Variants in TRIM48 observed in about 807,000 individuals in gnomAD.
TRIM48 encodes the protein E3 ubiquitin-protein ligase TRIM48.
In TRIM48, 31 loss-of-function variants were observed where a neutral mutation model predicts 29.5. That is an observed-to-expected ratio of 1.05 (90% CI 0.79 to 1.42). The LOEUF is 1.42. Among genes scored for constraint, TRIM48 ranks in the 40% most tolerant of loss-of-function variants. The pLI is 0.00. For missense variants in TRIM48, 344 were observed against 265.0 expected (o/e 1.30, Z -2.07); for synonymous variants, 128 against 90.6 (o/e 1.41, Z -2.34).
In TRIM48 at chr11:55,270,719, G is replaced by A. The variant is rs1156458840; in HGVS notation, c.*284G>A. 9 of 1,566,790 alleles carry A rather than the reference G, an allele frequency of 5.7e-6. 1 individual carries two copies. The highest frequency in any genetic ancestry group is 7.8e-6 in the Non-Finnish European group (9 of 1,151,208). On this transcript the variant is annotated 3_prime_UTR_variant, in exon 6 of 6. Coordinates refer to ENST00000417545, the MANE Select transcript of TRIM48 (RefSeq NM_024114.5). ...GGAGAGGAGGGACTCTTTAGTCTTG[G>A]GTGTGTTAAGAACGACATTCAGTGC...
Position 55,264,808 on chromosome 11 carries a change from A to G in TRIM48, c.45-92A>G. 5 of 1,512,870 alleles carry G rather than the reference A, an allele frequency of 3.3e-6. 1 individual carries two copies. The highest frequency in any genetic ancestry group is 4.5e-6 in the Non-Finnish European group (5 of 1,117,312). The allele number at this position is 1,512,870 out of a possible 1,614,324, so 93.7% of individuals were successfully genotyped here. ...TTGTGCTTTAATGAACACTGTCAAGAGAAGAAACTATAGCTATCACTTATC... is the reference window on the plus strand; with the variant it reads ...TTGTGCTTTAATGAACACTGTCAAGGGAAGAAACTATAGCTATCACTTATC... On this transcript the variant is annotated intron_variant, in intron 1 of 5. Transcript: ENST00000417545.
chr11:55,265,689 C>T lies in TRIM48; in HGVS notation c.549C>T (p.His183=). Residue 183 remains histidine, a synonymous_variant, in exon 3 of 6, where the codon CAC becomes CAT. Transcript: ENST00000417545. ...NLNVETTRIS[H]WKAFGDILYR... is the part of the protein sequence containing the mutation. ...ATGTGGAAACCACCAGAATCAGCCA[C>T]TGGAAGGTTAGTCCTGTAATACCCT... The T allele has an allele frequency of 6.3e-7, 1 of 1,579,618 alleles. No homozygotes were observed. The highest frequency in any genetic ancestry group is 1.4e-5 in the African/African-American group (1 of 72,982).
intron 1 of TRIM48, among the ~76,000 whole-genome samples, chr11:55,264,034 A>G (rs1039791591): frequency 7.2e-5 from 11 of 152,122 alleles, no homozygotes; most frequent in Non-Finnish European, 1.5e-5. Context: ...TCACAGACCC[A>G]CCCAGAAACA....
intron 3 of TRIM48, among the ~76,000 whole-genome samples, chr11:55,268,111 G>A (rs1189742746): frequency 6.8e-6 from 1 of 147,502 alleles, no homozygotes; most frequent in Non-Finnish European, 1.5e-5. Flanking sequence ...GACTCTCTGG[G>A]CTTCTTCTCC....
chr11:55,270,632 A>G lies in TRIM48; in HGVS notation c.*197A>G. 2 of 1,582,108 alleles carry G rather than the reference A, an allele frequency of 1.3e-6. No individual in the cohort carries two copies. The highest frequency in any genetic ancestry group is 1.7e-6 in the Non-Finnish European group (2 of 1,164,676). On this transcript the variant is annotated 3_prime_UTR_variant, in exon 6 of 6. Coordinates refer to ENST00000417545, the MANE Select transcript of TRIM48 (RefSeq NM_024114.5). The stretch of plus-strand genomic sequence containing the variant: ...GAGGTCCATGTGGGGGACTCTTGGA[A>G]TTGGGCTTTTGGTGTCTGTAATAAG...
rs1857470221 is a variant in TRIM48, at chr11:55,270,661, T to G, written c.*226T>G. On this transcript the variant is annotated 3_prime_UTR_variant, in exon 6 of 6. Coordinates refer to ENST00000417545, the MANE Select transcript of TRIM48 (RefSeq NM_024114.5). ...GGCTTTTGGTGTCTGTAATAAGTAT[T>G]GGAAAGGGAAGAATCAGAATGGCAA... The G allele has an allele frequency of 6.3e-7, 1 of 1,578,356 alleles. No homozygotes were observed. The highest frequency in any genetic ancestry group is 1.4e-5 in the African/African-American group (1 of 73,376).
rs558639938 is a variant in TRIM48, at chr11:55,265,733, T to G, written c.555+38T>G. The G allele has an allele frequency of 7.4e-4, 1,142 of 1,553,650 alleles. 107 individuals carry two copies. The highest frequency in any genetic ancestry group is 9.0e-4 in the Non-Finnish European group (1,034 of 1,146,328). On this transcript the variant is annotated intron_variant, in intron 3 of 5. Coordinates refer to ENST00000417545, the MANE Select transcript of TRIM48 (RefSeq NM_024114.5). ...ATACCCTACCTTCTCCAGGAACTTA[T>G]GGTGGGCAAATGGGTGACTCTTAAA...
At chr11:55,269,206 G>C in intron 4 of TRIM48, 36 bp from the exon 5 acceptor site, 1 of 1,562,430 alleles carries the variant, frequency 6.4e-7, no homozygotes, top group Non-Finnish European at 8.6e-7. Context: ...TTATTTTATG[G>C]CTGTAGATGT....
rs147437171 is a variant in TRIM48, at chr11:55,265,181, G to T, written c.326G>T (p.Cys109Phe). The T allele has an allele frequency of 3.2e-6, 5 of 1,582,838 alleles. 1 individual carries two copies. Among genetic ancestry groups the T allele is most frequent in the South Asian group, 2.4e-5 (2 of 83,650 alleles). ...TTCCTGAGCTCTGAGGAGCAAATGT[G>T]TGGCATTCACAGGGAGACAAAGAAG... is the stretch of plus-strand genomic sequence containing the variant. ...WLFLSSEEQM[C>F]GIHRETKKMF... The change falls in exon 2 of 6, where the codon TGT becomes TTT. Residue 109 changes from cysteine to phenylalanine, a missense_variant. Cys to Phe is a radical substitution (Grantham distance 205). Coordinates refer to ENST00000417545, the MANE Select transcript of TRIM48 (RefSeq NM_024114.5).
Position 55,266,486 on chromosome 11 carries a change from C to T in TRIM48, c.555+791C>T, listed in dbSNP as rs1441287082. On this transcript the variant is annotated intron_variant, in intron 3 of 5. Transcript: ENST00000417545. ...AGAAAGCATCTTTGTCCTCACAAAT[C>T]GTACAATCCAAATGAGAGAGGCAAA... is the stretch of plus-strand genomic sequence containing the variant. 6.8e-5 allele frequency among the ~76,000 whole-genome samples: 10 copies of T among 147,362 alleles called. 2 individuals carry two copies. Among genetic ancestry groups the T allele is most frequent in the South Asian group, 4.9e-4 (2 of 4,098 alleles).
rs539426502 is a variant in TRIM48 at position 55,269,723 on chromosome 11, T to C, written c.*1+384T>C. On this transcript the variant is annotated intron_variant, in intron 5 of 5. Coordinates refer to ENST00000417545, the MANE Select transcript of TRIM48 (RefSeq NM_024114.5). ...TTAAGAACTGTTCTTTTGGGGAATA[T>C]AGTTCGCTGGAGATTCTTGGGGTTT... Among the ~76,000 whole-genome samples the C allele has an allele frequency of 1.6e-3, 243 of 147,730 alleles. 17 individuals carry two copies. Among genetic ancestry groups the C allele is most frequent in the Non-Finnish European group, 2.1e-3 (143 of 66,910 alleles).
At position 55,265,625 on chromosome 11, in the gene TRIM48, C is replaced by G. The variant is rs745847123; in HGVS notation, c.485C>G (p.Ser162Cys). The G allele has an allele frequency of 1.0e-5, 16 of 1,581,912 alleles. 1 individual carries two copies. In the Admixed American group the frequency reaches 2.6e-4, roughly 25 times the overall value. Residue 162 changes from serine to cysteine, a missense_variant, in exon 3 of 6, where the codon TCT becomes TGT. Coordinates refer to ENST00000417545, the MANE Select transcript of TRIM48 (RefSeq NM_024114.5). ...HWEKLLKKMQ[S>C]LWEKACENQR... is the part of the protein sequence containing the mutation. ...GAGAAGCTTTTAAAGAAAATGCAGT[C>G]TTTATGGGAAAAAGCTTGTGAAAAT...
Position 55,269,237 on chromosome 11 carries a change from T to C in TRIM48, c.579-5T>C. The C allele has an allele frequency of 1.3e-6, 2 of 1,573,434 alleles. No individual in the cohort carries two copies. Among genetic ancestry groups the C allele is most frequent in the Non-Finnish European group, 1.7e-6 (2 of 1,165,910 alleles). On this transcript the variant is annotated splice_polypyrimidine_tract_variant and splice_region_variant and intron_variant, in intron 4 of 5. Transcript: ENST00000417545. ...GATGTTGTAACTGCAGGTTTTTCCT[T>C]GCAGGAGTGAGTCCGTGCTGCTGCA...
In TRIM48 at chr11:55,265,980, A is replaced by T. The variant is rs190702665; in HGVS notation, c.555+285A>T. Among the ~76,000 whole-genome samples the T allele has an allele frequency of 9.5e-5, 14 of 147,630 alleles. 1 individual carries two copies. Among genetic ancestry groups the T allele is most frequent in the African/African-American group, 3.0e-4 (12 of 40,424 alleles). ...GATACAAGAAACTGGGCCATCTCAC[A>T]GCATTCTATATGTGCTGGTTGGATA... is the stretch of plus-strand genomic sequence containing the variant. On this transcript the variant is annotated intron_variant, in intron 3 of 5. Transcript: ENST00000417545.
At position 55,270,540 on chromosome 11, in the gene TRIM48, C is replaced by T; in HGVS notation, c.*105C>T. ...GTGACCGTCAAAATCCGCCCCATAT[C>T]ACTGCAACACCTACAAGTTTTCTTG... On this transcript the variant is annotated 3_prime_UTR_variant, in exon 6 of 6. Transcript: ENST00000417545. 4 of 1,582,646 alleles carry T rather than the reference C, an allele frequency of 2.5e-6. No homozygotes were observed. Among genetic ancestry groups the T allele is most frequent in the Non-Finnish European group, 3.4e-6 (4 of 1,165,520 alleles).
chr11:55,266,050 T>C (rs999662952), intron 3 of TRIM48, among the ~76,000 whole-genome samples: 2 of 147,530 alleles, frequency 1.4e-5, no homozygotes, highest in African/African-American at 5.0e-5. Flanking sequence ...AAAGCTCAAG[T>C]GAACCTTCTG....
intron 1 of TRIM48, among the ~76,000 whole-genome samples, 190 bp from the exon 2 acceptor site, chr11:55,264,695 TGTGAGGCATCTAGTC>T (rs1418574133): frequency 6.7e-6 from 1 of 148,150 alleles, no homozygotes; most frequent in Non-Finnish European, 1.5e-5. Flanking sequence ...TAGAAGGGGT[TGTGAGGCATCTAGTC>T]AGTAATATCT....
chr11:55,268,548 A>C (rs1857428275), intron 4 of TRIM48, among the ~76,000 whole-genome samples, 176 bp downstream of exon 4: 2 of 147,786 alleles, frequency 1.4e-5, no homozygotes, highest in Admixed American at 1.4e-4. Context: ...ACATAAATAA[A>C]TAAATAGTGA....
chr11:55,268,509 G>A (rs9667704), intron 4 of TRIM48, 137 bp downstream of exon 4: 188,879 of 808,138 alleles, frequency 0.23, 31,169 homozygotes, highest in South Asian at 0.28. Context: ...TCCCACACCA[G>A]AAAAGACAAG....
Sources: gnomAD v4.1 joint callset for allele counts (sites outside exome capture counted in the v4.1 genomes callset) on GRCh38, gnomAD v4.1.1 for gene constraint, MANE v1.5 for transcripts, NCBI Gene and HGNC (gene_info 2026-07-23, HGNC 2026-07-21) for gene names.